SMARCB1: variants seen among roughly 807,000 people sequenced by gnomAD.
SMARCB1 encodes SWI/SNF related BAF chromatin remodeling complex subunit B1.
In SMARCB1, 5 loss-of-function variants were observed where a neutral mutation model predicts 49.0. The ratio of observed to expected loss-of-function variants is 0.10; its 90% CI spans 0.05 to 0.21. The LOEUF (loss-of-function observed/expected upper bound fraction) is 0.21. Ranked by LOEUF, SMARCB1 falls within the 10% of genes least tolerant of loss-of-function variation. The probability of loss-of-function intolerance (pLI) is 1.00; values close to 1 mark genes in which losing one functional copy is unlikely to be tolerated. For missense variants in SMARCB1, 226 were observed against 509.2 expected (o/e 0.44, Z 5.35); for synonymous variants, 201 against 200.1 (o/e 1.00, Z -0.04).
In SMARCB1 at chr22:23,820,797, G is replaced by A. The variant is rs570454593; in HGVS notation, c.795+3861G>A. ...GGATGGGAGTGGCAGCAAGCACCTG[G>A]CCTGTGTCCTGCATACGGTCTGCTG... On this transcript the variant is annotated intron_variant, in intron 6 of 8. Coordinates refer to ENST00000644036, the MANE Select transcript of SMARCB1 (RefSeq NM_003073.5). 2.0e-5 allele frequency among the ~76,000 whole-genome samples: 3 copies of A among 152,298 alleles called. No individual in the cohort carries two copies. The East Asian group carries it at 5.8e-4, about 29-fold the overall frequency.
intron 2 of SMARCB1, chr22:23,792,895 A>G (rs1277328684): frequency 6.0e-6 from 1 of 165,316 alleles, no homozygotes; most frequent in Non-Finnish European, 1.3e-5. Flanking sequence ...TACCTTCCCC[A>G]TAAGCGATTG....
At chr22:23,803,611 C>T (rs1929312088) in intron 5 of SMARCB1, 189 bp downstream of exon 5, 4 of 725,574 alleles carry the variant, frequency 5.5e-6, no homozygotes, top group Non-Finnish European at 9.5e-6. Flanking sequence ...GTGGATTGGG[C>T]CTGTGAACTT....
Position 23,816,939 on chromosome 22 carries a change from A to T in SMARCB1, c.795+3A>T, listed in dbSNP as rs768344215. On this transcript the variant is annotated splice_donor_region_variant and intron_variant, in intron 6 of 8. Transcript: ENST00000644036. ...CAGACCAGCGCGTCATCATCAAGGT[A>T]GGTGACTTCTCACCCAGCACTGGAG... 2 of 1,613,372 alleles carry T rather than the reference A, an allele frequency of 1.2e-6. No homozygotes were observed. The highest frequency in any genetic ancestry group is 1.7e-6 in the Non-Finnish European group (2 of 1,179,610).
At chr22:23,832,231 G>A (rs1267429501) in intron 7 of SMARCB1, among the ~76,000 whole-genome samples, 3 of 152,178 alleles carry the variant, frequency 2.0e-5, no homozygotes, top group African/African-American at 7.2e-5. Context: ...ACTACAGGGA[G>A]GCTGTGAGAA....
rs144407971 is a variant in SMARCB1, at chr22:23,812,588, G to A, written c.629-4182G>A. Among the ~76,000 whole-genome samples, 10 of 152,196 alleles carry A rather than the reference G, an allele frequency of 6.6e-5. No homozygotes were observed. In the East Asian group the frequency reaches 9.6e-4, roughly 15 times the overall value. On this transcript the variant is annotated intron_variant, in intron 5 of 8. Coordinates refer to ENST00000644036, the MANE Select transcript of SMARCB1 (RefSeq NM_003073.5). ...TGCAAAATCCTTAGCAAAATATTGC[G>A]AAATAGAATTCAGCAATATATAGAA...
intron 1 of SMARCB1, 126 bp downstream of exon 1, chr22:23,787,388 G>T (rs1928074906): frequency 4.1e-6 from 2 of 482,668 alleles, no homozygotes; most frequent in East Asian, 7.5e-5. Flanking sequence ...CGCGCTCGGG[G>T]CTGTGGGGCG....
chr22:23,826,727 T>C (rs1043480566), intron 7 of SMARCB1, among the ~76,000 whole-genome samples: 2 of 152,258 alleles, frequency 1.3e-5, no homozygotes, highest in Non-Finnish European at 2.9e-5. Flanking sequence ...TAACTTGTTT[T>C]CCCAGACATC....
In SMARCB1 at chr22:23,837,459, C is replaced by T. The variant is rs771610480; in HGVS notation, c.*3279C>T. 5.3e-5 allele frequency: 35 copies of T among 664,368 alleles called. No individual in the cohort carries two copies. The highest frequency in any genetic ancestry group is 7.6e-5 in the Non-Finnish European group (30 of 393,746). 41.2% of individuals were successfully genotyped at this position (664,368 alleles called of 1,614,324 possible). On this transcript the variant is annotated 3_prime_UTR_variant, in exon 9 of 9. Coordinates refer to ENST00000644036, the MANE Select transcript of SMARCB1 (RefSeq NM_003073.5). ...AGGACCGTGCAAGCATCAGTAGATC[C>T]GTCCTGACGATGCAAATTATGTGGG...
At chr22:23,832,451 C>A (rs937105151) in intron 7 of SMARCB1, among the ~76,000 whole-genome samples, 8 of 152,080 alleles carry the variant, frequency 5.3e-5, no homozygotes, top group Non-Finnish European at 1.2e-4. Context: ...TTTTCAGGGC[C>A]GCAGGCTGGC....
chr22:23,821,402 G>A (rs1394464030), intron 6 of SMARCB1, among the ~76,000 whole-genome samples: 1 of 151,312 alleles, frequency 6.6e-6, no homozygotes, highest in Non-Finnish European at 1.5e-5. Context: ...GGACTCAGAA[G>A]AGCTGGGTAT....
At position 23,788,394 on chromosome 22, in the gene SMARCB1, A is replaced by G. The variant is rs183810416; in HGVS notation, c.93+1132A>G. Reference sequence around the variant, plus strand: ...TCTTCTCCTTATAGCAGTTTTTAGTATCATATTCCAGCATTTTATTCGTAC... The same window carrying G: ...TCTTCTCCTTATAGCAGTTTTTAGTGTCATATTCCAGCATTTTATTCGTAC... On this transcript the variant is annotated intron_variant, in intron 1 of 8. Coordinates refer to ENST00000644036, the MANE Select transcript of SMARCB1 (RefSeq NM_003073.5). Among the ~76,000 whole-genome samples, 552 of 152,278 alleles carry G rather than the reference A, an allele frequency of 3.6e-3. 1 individual carries two copies. The highest frequency in any genetic ancestry group is 0.013 in the African/African-American group (525 of 41,550).
chr22:23,800,775 A>G (rs1338145673), intron 3 of SMARCB1, among the ~76,000 whole-genome samples, 169 bp from the exon 4 acceptor site: 1 of 152,122 alleles, frequency 6.6e-6, no homozygotes, highest in East Asian at 1.9e-4. Context: ...CTAGCATCTG[A>G]TGACAGCCTG....
At chr22:23,819,356 A>G (rs1361944412) in intron 6 of SMARCB1, among the ~76,000 whole-genome samples, 1 of 148,722 alleles carries the variant, frequency 6.7e-6, no homozygotes, top group African/African-American at 2.5e-5. Flanking sequence ...ATTTAGATGG[A>G]GTCTCACTCT....
At chr22:23,834,081 AG>A (rs1568963469) in intron 8 of SMARCB1, 59 bp from the exon 9 acceptor site, 8 of 1,532,056 alleles carry the variant, frequency 5.2e-6, no homozygotes, top group Non-Finnish European at 7.1e-6. Flanking sequence ...AGCCTTGGGA[AG>A]GGCAGCGCCC....
chr22:23,829,230 C>T (rs2030535834), intron 7 of SMARCB1, among the ~76,000 whole-genome samples: 1 of 152,182 alleles, frequency 6.6e-6, no homozygotes, highest in African/African-American at 2.4e-5. Flanking sequence ...ATCAGTGTGC[C>T]ATGGCCACAG....
chr22:23,814,690 G>T (rs921140293), intron 5 of SMARCB1, among the ~76,000 whole-genome samples: 2 of 150,786 alleles, frequency 1.3e-5, no homozygotes, highest in Non-Finnish European at 3.0e-5. Context: ...AACAAAAAAG[G>T]CTGGGCACAG....
chr22:23,788,530 C>G (rs895937820), intron 1 of SMARCB1, among the ~76,000 whole-genome samples: 3 of 152,006 alleles, frequency 2.0e-5, no homozygotes, highest in African/African-American at 7.2e-5. Context: ...CTCAGCCTCC[C>G]AAGTACCTGG....
Position 23,835,165 on chromosome 22 carries a change from A to G in SMARCB1, c.*985A>G. 1 of 1,304,868 alleles carries G rather than the reference A, an allele frequency of 7.7e-7. No homozygotes were observed. Among genetic ancestry groups the G allele is most frequent in the South Asian group, 2.4e-5 (1 of 41,330 alleles). 80.8% of individuals were successfully genotyped at this position (1,304,868 alleles called of 1,614,324 possible). A position where few individuals can be genotyped will look rare whatever the true frequency, so the allele number is the denominator to read the frequency against. On this transcript the variant is annotated 3_prime_UTR_variant, in exon 9 of 9. Coordinates refer to ENST00000644036, the MANE Select transcript of SMARCB1 (RefSeq NM_003073.5). ...GGAGTTGACACGGTACAGGGAGGAG[A>G]CACAGCCCAGGGTCCCTTCCCAGCC... is the stretch of plus-strand genomic sequence containing the variant.
In SMARCB1 at chr22:23,791,737, C is replaced by G. The variant is rs1304783796; in HGVS notation, c.94-19C>G. The G allele has an allele frequency of 6.2e-7, 1 of 1,613,238 alleles. No individual in the cohort carries two copies. The highest frequency in any genetic ancestry group is 1.3e-5 in the African/African-American group (1 of 75,030). On this transcript the variant is annotated intron_variant, in intron 1 of 8. Coordinates refer to ENST00000644036, the MANE Select transcript of SMARCB1 (RefSeq NM_003073.5). ...TGGTGCTGCGACCCTTATAATGAGC[C>G]TTCTTGCTTTACTCATAGGTGGGAA...
Sources: gnomAD v4.1 joint callset for allele counts (sites outside exome capture counted in the v4.1 genomes callset) on GRCh38, gnomAD v4.1.1 for gene constraint, MANE v1.5 for transcripts, NCBI Gene and HGNC (gene_info 2026-07-23, HGNC 2026-07-21) for gene names.